Variants in CREM observed in about 807,000 individuals in gnomAD.
CREM encodes cAMP responsive element modulator.
In CREM, 13 loss-of-function variants were observed where a neutral mutation model predicts 37.3. The observed-to-expected ratio is 0.35, with a 90% CI of 0.23 to 0.55. The LOEUF (loss-of-function observed/expected upper bound fraction) is 0.55. Among genes scored for constraint, CREM ranks in the 20% least tolerant of loss-of-function variants. The pLI, the probability that CREM is intolerant of heterozygous loss-of-function variation, is 0.88. For missense variants in CREM, 296 were observed against 362.3 expected (o/e 0.82, Z 1.49); for synonymous variants, 124 against 120.2 (o/e 1.03, Z -0.21).
At chr10:35,173,439 C>T (rs1266348874) in intron 3 of CREM, among the ~76,000 whole-genome samples, 3 of 152,106 alleles carry the variant, frequency 2.0e-5, no homozygotes, top group East Asian at 3.9e-4. Context: ...TTCAGTTAAA[C>T]CTGACATTAA....
intron 3 of CREM, among the ~76,000 whole-genome samples, chr10:35,172,414 C>G (rs1469223261): frequency 1.3e-5 from 2 of 152,184 alleles, no homozygotes; most frequent in East Asian, 1.9e-4. Context: ...CACGGTGATG[C>G]TAAGATGTTG....
At chr10:35,204,591 C>T (rs1468751543) in intron 6 of CREM, among the ~76,000 whole-genome samples, 1 of 128,504 alleles carries the variant, frequency 7.8e-6, no homozygotes, top group South Asian at 2.6e-4. Context: ...AGCAAAACTA[C>T]GTCTCAAAAA....
chr10:35,152,039 T>G (rs1409449866), intron 3 of CREM, among the ~76,000 whole-genome samples: 1 of 152,238 alleles, frequency 6.6e-6, no homozygotes, highest in Non-Finnish European at 1.5e-5. Context: ...TGGCTTCATA[T>G]TTACTTGCCA....
intron 7 of CREM, 70 bp downstream of exon 7, chr10:35,207,121 A>C: frequency 6.6e-7 from 1 of 1,511,658 alleles, no homozygotes; most frequent in East Asian, 2.4e-5. Context: ...CACCGGGCGC[A>C]GTGGCTCACG....
At chr10:35,182,141 C>A (rs1437921945) in intron 5 of CREM, among the ~76,000 whole-genome samples, 1 of 152,174 alleles carries the variant, frequency 6.6e-6, no homozygotes, top group Non-Finnish European at 1.5e-5. Flanking sequence ...TAACAACATT[C>A]AAACTTTTTA....
At chr10:35,196,792 A>G (rs184464076) in intron 6 of CREM, among the ~76,000 whole-genome samples, 7 of 151,104 alleles carry the variant, frequency 4.6e-5, no homozygotes, top group Non-Finnish European at 8.8e-5. Flanking sequence ...TTTCATTCCT[A>G]TTACCCCTTT....
At position 35,178,980 on chromosome 10, in the gene CREM, C is replaced by CT. The variant is rs1173774147; in HGVS notation, c.262dup (p.Tyr88LeufsTer2). ...AGAGAAATCCTTTCACGAAGACCCT[C>CT]TTATAGGTAAGTTAACCAAGTTTCC... On this transcript the variant is annotated frameshift_variant, in exon 4 of 8. Transcript: ENST00000685392. LOFTEE classifies it high-confidence loss of function. The CT allele has an allele frequency of 6.2e-7, 1 of 1,602,672 alleles. No individual in the cohort carries two copies. Among genetic ancestry groups the CT allele is most frequent in the South Asian group, 1.1e-5 (1 of 88,576 alleles).
intron 1 of CREM, among the ~76,000 whole-genome samples, chr10:35,136,022 C>T (rs979123306): frequency 2.6e-5 from 4 of 152,212 alleles, no homozygotes; most frequent in East Asian, 1.9e-4. Flanking sequence ...TGTCATTATT[C>T]GGGTATGAGG....
intron 5 of CREM, among the ~76,000 whole-genome samples, chr10:35,186,540 T>C (rs1047442540): frequency 1.3e-5 from 2 of 150,408 alleles, no homozygotes; most frequent in African/African-American, 4.9e-5. Context: ...TCTCCTGACA[T>C]AGACAAAATG....
chr10:35,142,650 G>T (rs2091583245), intron 2 of CREM, among the ~76,000 whole-genome samples: 1 of 152,296 alleles, frequency 6.6e-6, no homozygotes, highest in South Asian at 2.1e-4. Context: ...CTGTCACCCA[G>T]GCTGGAGTGC....
chr10:35,204,511 A>G (rs1474331415), intron 6 of CREM, among the ~76,000 whole-genome samples: 2 of 151,964 alleles, frequency 1.3e-5, no homozygotes, highest in Non-Finnish European at 2.9e-5. Flanking sequence ...GAGGCAAGAG[A>G]ATCACTTGAA....
At chr10:35,166,030 G>T (rs995458103) in intron 3 of CREM, among the ~76,000 whole-genome samples, 1 of 152,054 alleles carries the variant, frequency 6.6e-6, no homozygotes, top group African/African-American at 2.4e-5. Flanking sequence ...CAGAAACAAT[G>T]ATCCTTTTCC....
intron 6 of CREM, among the ~76,000 whole-genome samples, chr10:35,198,568 A>G (rs1229563579): frequency 6.6e-6 from 1 of 151,504 alleles, no homozygotes. Flanking sequence ...GGATTATATT[A>G]TTGATTTTGT....
chr10:35,168,944 T>TC (rs2093677560), intron 3 of CREM, among the ~76,000 whole-genome samples: 1 of 152,232 alleles, frequency 6.6e-6, no homozygotes, highest in Non-Finnish European at 1.5e-5. Flanking sequence ...TCTGTTCTGT[T>TC]CCATCGGTCT....
chr10:35,175,538 T>C (rs1479077426), intron 3 of CREM: 9 of 742,110 alleles, frequency 1.2e-5, no homozygotes, highest in Non-Finnish European at 2.1e-5. Flanking sequence ...GGCTTCACTG[T>C]TAGTAGGCGT....
chr10:35,196,227 TTCAGAGC>T, intron 6 of CREM: 1 of 828,786 alleles, frequency 1.2e-6, no homozygotes. Flanking sequence ...GAACTTGCGA[TTCAGAGC>T]TCCTCTAGTG....
At chr10:35,130,122 G>A (rs555504494) in intron 1 of CREM, among the ~76,000 whole-genome samples, 42 of 151,354 alleles carry the variant, frequency 2.8e-4, no homozygotes, top group African/African-American at 9.2e-4. Flanking sequence ...CTTGAACCCC[G>A]GAGGCGGAGG....
At chr10:35,170,324 G>T (rs1394581287) in intron 3 of CREM, among the ~76,000 whole-genome samples, 2 of 152,000 alleles carry the variant, frequency 1.3e-5, no homozygotes, top group African/African-American at 4.8e-5. Context: ...GAGGATTTTT[G>T]CATCGATGTT....
chr10:35,208,965 T>G (rs1340286727), intron 7 of CREM, among the ~76,000 whole-genome samples: 2 of 152,192 alleles, frequency 1.3e-5, no homozygotes, highest in African/African-American at 4.8e-5. Context: ...TGTTTAATGC[T>G]TACATGAGAA....
Sources: allele counts gnomAD v4.1 joint callset (sites outside exome capture counted in the v4.1 genomes callset), GRCh38; gene constraint gnomAD v4.1.1; transcripts MANE v1.5; gene names NCBI Gene and HGNC (gene_info 2026-07-23, HGNC 2026-07-21).